MAP2: variants seen among roughly 807,000 people sequenced by gnomAD.
MAP2 encodes the protein microtubule associated protein 2.
A neutral mutation model predicts 137.6 loss-of-function variants in MAP2; 14 were observed. The observed-to-expected ratio is 0.10, with a 90% CI of 0.07 to 0.16. The LOEUF (loss-of-function observed/expected upper bound fraction) is 0.16, where lower values mean the gene tolerates loss of function less well. Among genes scored for constraint, MAP2 ranks in the 10% least tolerant of loss-of-function variants. The pLI, the probability that MAP2 is intolerant of heterozygous loss-of-function variation, is 1.00. For missense variants in MAP2, 2,088 were observed against 2,191.5 expected, an observed-to-expected ratio of 0.95 and a Z score of 0.94; for synonymous variants, 786 against 782.3, an observed-to-expected ratio of 1.00 and a Z score of -0.08.
At chr2:209,533,420 C>CAGGCA (rs1186929883) in intron 2 of MAP2, among the ~76,000 whole-genome samples, 4 of 152,234 alleles carry the variant, frequency 2.6e-5, no homozygotes, top group Non-Finnish European at 5.9e-5. Context: ...GCTGGGATTA[C>CAGGCA]AGGCAAGCCA....
intron 5 of MAP2, among the ~76,000 whole-genome samples, chr2:209,673,588 C>G (rs993281698): frequency 4.6e-5 from 7 of 151,680 alleles, no homozygotes; most frequent in African/African-American, 1.7e-4. Context: ...TTTATAAGTT[C>G]AAAAGAAAGA....
rs1384936492 is a variant in MAP2 at position 209,653,451 on chromosome 2, G to A, written c.262+19G>A. ...ACAGCAGGTAACTAAGGGCTCTACT[G>A]TCACCAAGTGCTTGCTTTGTGCTTT... On this transcript the variant is annotated intron_variant, in intron 5 of 15. Coordinates refer to ENST00000682079, the MANE Select transcript of MAP2 (RefSeq NM_001375505.1). The A allele has an allele frequency of 6.4e-7, 1 of 1,562,052 alleles. No homozygotes were observed. The highest frequency in any genetic ancestry group is 8.7e-7 in the Non-Finnish European group (1 of 1,154,668).
At chr2:209,435,977 T>C (rs1488790643) in intron 1 of MAP2, among the ~76,000 whole-genome samples, 1 of 106,410 alleles carries the variant, frequency 9.4e-6, no homozygotes, top group Admixed American at 9.5e-5. Flanking sequence ...ATATATAATA[T>C]ATACAGTATA....
At position 209,545,380 on chromosome 2, in the gene MAP2, A is replaced by G. The variant is rs752138349; in HGVS notation, c.-171-34656A>G. ...TCTCTAAACCAGAGATACAAGTGTT[A>G]GTAAAATTCAATAATTTTTATTTTT... On this transcript the variant is annotated intron_variant, in intron 2 of 15. Coordinates refer to ENST00000682079, the MANE Select transcript of MAP2 (RefSeq NM_001375505.1). 2.6e-5 allele frequency among the ~76,000 whole-genome samples: 4 copies of G among 152,234 alleles called. No homozygotes were observed. In the South Asian group the frequency reaches 8.3e-4, roughly 31 times the overall value.
intron 5 of MAP2, among the ~76,000 whole-genome samples, chr2:209,661,075 T>A (rs1185569539): frequency 6.6e-6 from 1 of 152,042 alleles, no homozygotes; most frequent in African/African-American, 2.4e-5. Flanking sequence ...TGAAAACACA[T>A]GAAGGAAAAG....
intron 13 of MAP2, among the ~76,000 whole-genome samples, chr2:209,717,107 T>A (rs1487532988): frequency 2.0e-5 from 3 of 152,216 alleles, no homozygotes. Context: ...ATTATCTGTA[T>A]TAGTCTGTTC....
At chr2:209,540,076 G>T (rs192205734) in intron 2 of MAP2, among the ~76,000 whole-genome samples, 1 of 143,744 alleles carries the variant, frequency 7.0e-6, no homozygotes, top group East Asian at 2.0e-4. Flanking sequence ...ACTCGAGACT[G>T]GGTGACAGAG....
At chr2:209,471,742 A>G (rs1705784616) in intron 1 of MAP2, among the ~76,000 whole-genome samples, 1 of 149,166 alleles carries the variant, frequency 6.7e-6, no homozygotes, top group Non-Finnish European at 1.5e-5. Flanking sequence ...TTATTACCTT[A>G]AAAATATAGT....
At chr2:209,598,467 CT>C in intron 3 of MAP2, among the ~76,000 whole-genome samples, 1 of 149,482 alleles carries the variant, frequency 6.7e-6, no homozygotes, top group Non-Finnish European at 1.5e-5. Context: ...TATTATTATA[CT>C]TTAAGTTTTA....
rs190748504 is a variant in MAP2, at chr2:209,455,307, A to T, written c.-222+31031A>T. On this transcript the variant is annotated intron_variant, in intron 1 of 15. Transcript: ENST00000682079. ...AGATAATCTGTCCAAGGTCACACAG[A>T]TAGTAAGTAATAAAGTTAGAATTTT... Among the ~76,000 whole-genome samples, 12 of 152,238 alleles carry T rather than the reference A, an allele frequency of 7.9e-5. No individual in the cohort carries two copies. In the East Asian group the frequency reaches 2.3e-3, roughly 30 times the overall value.
intron 1 of MAP2, among the ~76,000 whole-genome samples, chr2:209,475,726 A>G (rs1707036284): frequency 6.6e-6 from 1 of 152,094 alleles, no homozygotes; most frequent in South Asian, 2.1e-4. Context: ...CTTTGTATCT[A>G]TGTATTCTAG....
intron 1 of MAP2, among the ~76,000 whole-genome samples, chr2:209,503,985 A>G (rs2060714459): frequency 1.3e-5 from 2 of 152,014 alleles, no homozygotes; most frequent in African/African-American, 4.8e-5. Flanking sequence ...AATCCCAGCT[A>G]CTCAGGAGGC....
chr2:209,518,521 C>T (rs2062836386), intron 2 of MAP2, among the ~76,000 whole-genome samples: 1 of 152,090 alleles, frequency 6.6e-6, no homozygotes, highest in Admixed American at 6.6e-5. Context: ...GAAACCTGAA[C>T]AGAGGGTGCG....
chr2:209,702,604 T>G (rs1000550575), intron 11 of MAP2, among the ~76,000 whole-genome samples: 1 of 152,086 alleles, frequency 6.6e-6, no homozygotes, highest in African/African-American at 2.4e-5. Context: ...CCACCCATAA[T>G]CCTGCATTTC....
At chr2:209,679,285 A>G (rs1419025732) in intron 6 of MAP2, among the ~76,000 whole-genome samples, 2 of 152,052 alleles carry the variant, frequency 1.3e-5, no homozygotes, top group Non-Finnish European at 2.9e-5. Flanking sequence ...TGCTTGCCAA[A>G]GGAAACACTC....
chr2:209,653,853 T>A lies in MAP2; in HGVS notation c.262+421T>A, dbSNP rs116378181. Among the ~76,000 whole-genome samples, 1,187 of 152,340 alleles carry A rather than the reference T, an allele frequency of 7.8e-3. 17 individuals carry two copies. Among genetic ancestry groups the A allele is most frequent in the African/African-American group, 0.027 (1,103 of 41,570 alleles). On this transcript the variant is annotated intron_variant, in intron 5 of 15. Transcript: ENST00000682079. ...ACGTAAATACATACTGTAATTTTTT[T>A]AATCCATCATTCAACAAATTACAGT...
At chr2:209,515,980 A>G (rs1364293137) in intron 2 of MAP2, among the ~76,000 whole-genome samples, 1 of 151,846 alleles carries the variant, frequency 6.6e-6, no homozygotes, top group Admixed American at 6.6e-5. Flanking sequence ...TTTTTTGCAA[A>G]GATGGGGTCT....
intron 2 of MAP2, among the ~76,000 whole-genome samples, chr2:209,552,696 A>C (rs1448736194): frequency 1.3e-5 from 2 of 151,850 alleles, no homozygotes; most frequent in African/African-American, 4.8e-5. Context: ...CCCCATCTCT[A>C]CTAAAAATAC....
chr2:209,435,804 A>T (rs1022745774), intron 1 of MAP2, among the ~76,000 whole-genome samples: 1 of 150,730 alleles, frequency 6.6e-6, no homozygotes, highest in Non-Finnish European at 1.5e-5. Context: ...ATCAACACTA[A>T]AGAATGGGAT....
Sources: allele counts gnomAD v4.1 joint callset (sites outside exome capture counted in the v4.1 genomes callset), GRCh38; gene constraint gnomAD v4.1.1; transcripts MANE v1.5; gene names NCBI Gene and HGNC (gene_info 2026-07-23, HGNC 2026-07-21).